The following ZNF227 variants were observed in gnomAD, a reference collection of about 807,000 sequenced individuals.
The protein encoded by ZNF227 is zinc finger protein 227.
In ZNF227, 12 loss-of-function variants were observed where a neutral mutation model predicts 13.2. The ratio of observed to expected loss-of-function variants is 0.91; its 90% CI spans 0.58 to 1.47. The LOEUF (loss-of-function observed/expected upper bound fraction) is 1.47, where lower values mean the gene tolerates loss of function less well. Ranked by LOEUF, ZNF227 falls within the 40% of genes most tolerant of loss-of-function variation. ZNF227 has a pLI of 0.00. For synonymous variants in ZNF227, 338 were observed against 326.0 expected (o/e 1.04, Z -0.40); for missense variants, 885 against 967.5 (o/e 0.91, Z 1.13).
chr19:44,216,839 G>A (rs1971927971), intron 2 of ZNF227, among the ~76,000 whole-genome samples: 1 of 151,956 alleles, frequency 6.6e-6, no homozygotes, highest in Non-Finnish European at 1.5e-5. Context: ...TACTAGCTGG[G>A]CAACAAATTA....
At chr19:44,230,002 G>A (rs190484828) in intron 5 of ZNF227, among the ~76,000 whole-genome samples, 186 bp downstream of exon 5, 64 of 152,000 alleles carry the variant, frequency 4.2e-4, no homozygotes, top group Middle Eastern at 6.8e-3. Flanking sequence ...AATGGTAGCC[G>A]GAGTGGTTCT....
chr19:44,209,188 C>T (rs1457704089), upstream of ZNF227, among the ~76,000 whole-genome samples: 1 of 152,172 alleles, frequency 6.6e-6, no homozygotes, highest in East Asian at 1.9e-4. Context: ...TAGAAATTCC[C>T]AAACATGCAC....
chr19:44,225,513 C>T (rs555902296), intron 3 of ZNF227, among the ~76,000 whole-genome samples: 73 of 152,276 alleles, frequency 4.8e-4, no homozygotes, highest in African/African-American at 1.7e-3. Context: ...TCATTTCATT[C>T]ATTTCATCTT....
chr19:44,234,690 C>CTT lies in ZNF227; in HGVS notation c.272-7_272-6dup. The CTT allele has an allele frequency of 6.4e-7, 1 of 1,557,224 alleles. No individual in the cohort carries two copies. The highest frequency in any genetic ancestry group is 1.4e-5 in the African/African-American group (1 of 72,194). ...CTCATCTCTAAATATTGCCTTTTTT[C>CTT]TTTTTTAATAGGCAGCAAGCATCAA... is the stretch of plus-strand genomic sequence containing the variant. On this transcript the variant is annotated splice_polypyrimidine_tract_variant and intron_variant, in intron 5 of 5. Transcript: ENST00000313040.
intron 3 of ZNF227, among the ~76,000 whole-genome samples, chr19:44,222,975 G>A (rs1308657975): frequency 1.3e-5 from 2 of 151,298 alleles, no homozygotes; most frequent in Non-Finnish European, 2.9e-5. Flanking sequence ...TAGCATGAAG[G>A]GTTGTTGAAT....
At chr19:44,228,950 G>T (rs960940436) in intron 4 of ZNF227, 8 of 295,316 alleles carry the variant, frequency 2.7e-5, no homozygotes, top group Non-Finnish European at 4.3e-5. Context: ...TAGTAGTGCT[G>T]CAGTTGCAAA....
intron 3 of ZNF227, among the ~76,000 whole-genome samples, chr19:44,227,606 C>T (rs1161745767): frequency 1.3e-5 from 2 of 152,138 alleles, no homozygotes; most frequent in South Asian, 2.1e-4. Flanking sequence ...GGCTGAAGTG[C>T]AGTGGCACAA....
rs1436570851 is a variant in ZNF227, at chr19:44,237,250, TTAC to T, written c.*423_*425del. The T allele has an allele frequency of 6.2e-6, 1 of 160,958 alleles. No individual in the cohort carries two copies. The highest frequency in any genetic ancestry group is 1.4e-5 in the Non-Finnish European group (1 of 73,538). 10.0% of individuals were successfully genotyped at this position (160,958 alleles called of 1,614,324 possible). A position where few individuals can be genotyped will look rare whatever the true frequency, so the allele number is the denominator to read the frequency against. On this transcript the variant is annotated 3_prime_UTR_variant, in exon 6 of 6. Coordinates refer to ENST00000313040, the MANE Select transcript of ZNF227 (RefSeq NM_182490.3). ...GTAAAGCTATGAAAAATGAATAAAA[TTAC>T]TAAAAATTTTCTGTAGCTAAGGACT...
rs188525370 is a variant in ZNF227, at chr19:44,217,866, T to G, written c.60+14T>G. On this transcript the variant is annotated intron_variant, in intron 3 of 5. Transcript: ENST00000313040. ...ACCAAGTTTCAGGTACGTAAAGGAT[T>G]CCTTGCTGTCTTTTAAAATGTGATT... 1.7e-4 allele frequency: 281 copies of G among 1,612,986 alleles called. 1 individual carries two copies. In the East Asian group the frequency reaches 5.7e-3, roughly 33 times the overall value.
chr19:44,223,264 T>A (rs1972745393), intron 3 of ZNF227, among the ~76,000 whole-genome samples: 1 of 152,236 alleles, frequency 6.6e-6, no homozygotes, highest in Non-Finnish European at 1.5e-5. Context: ...GGTATCAGGA[T>A]GATGCTAGCC....
At chr19:44,221,555 GTTTTC>G (rs964418447) in intron 3 of ZNF227, among the ~76,000 whole-genome samples, 1 of 152,312 alleles carries the variant, frequency 6.6e-6, no homozygotes, top group Admixed American at 6.5e-5. Flanking sequence ...CTGCATAAAT[GTTTTC>G]TTTTGAGAAG....
intron 5 of ZNF227, among the ~76,000 whole-genome samples, chr19:44,230,951 A>ATATATATATATATATATATC (rs1244386357): frequency 7.5e-6 from 1 of 132,728 alleles, no homozygotes; most frequent in African/African-American, 3.2e-5. Context: ...ATATATATAT[A>ATATATATATATATATATATC]TATCTTAGCC....
At chr19:44,233,213 C>G (rs1436928782) in intron 5 of ZNF227, among the ~76,000 whole-genome samples, 1 of 152,096 alleles carries the variant, frequency 6.6e-6, no homozygotes, top group African/African-American at 2.4e-5. Context: ...TCATACGTTT[C>G]TAACCATGAC....
Position 44,236,041 on chromosome 19 carries a change from C to T in ZNF227, c.1611C>T (p.Thr537=), listed in dbSNP as rs1401021159. 1 of 1,613,406 alleles carries T rather than the reference C, an allele frequency of 6.2e-7. No individual in the cohort carries two copies. The highest frequency in any genetic ancestry group is 2.2e-5 in the East Asian group (1 of 44,858). ...KGFSQSSKLQ[T]HQRVHTGEKP... ...TCAGTCAGTCCTCAAAGCTTCAAACCCATCAGCGAGTCCACACTGGAGAGA... is the reference window on the plus strand; with the variant it reads ...TCAGTCAGTCCTCAAAGCTTCAAACTCATCAGCGAGTCCACACTGGAGAGA... The change falls in exon 6 of 6, where the codon ACC becomes ACT. Residue 537 remains threonine, a synonymous_variant. Coordinates refer to ENST00000313040, the MANE Select transcript of ZNF227 (RefSeq NM_182490.3).
intron 5 of ZNF227, among the ~76,000 whole-genome samples, chr19:44,230,908 C>CAA (rs561975781): frequency 1.1e-3 from 60 of 56,996 alleles, no homozygotes; most frequent in East Asian, 1.4e-3. Flanking sequence ...TCCATCTCTA[C>CAA]AAAAAAAAAA....
At chr19:44,218,506 G>C (rs1205340414) in intron 3 of ZNF227, among the ~76,000 whole-genome samples, 1 of 152,200 alleles carries the variant, frequency 6.6e-6, no homozygotes, top group Non-Finnish European at 1.5e-5. Flanking sequence ...AATTTTATTA[G>C]ATGCTTTCAG....
intron 3 of ZNF227, among the ~76,000 whole-genome samples, chr19:44,221,536 G>C (rs1460210511): frequency 6.6e-6 from 1 of 152,154 alleles, no homozygotes; most frequent in Admixed American, 6.5e-5. Flanking sequence ...TTTTTCATGT[G>C]GTTTTTGGCT....
chr19:44,224,196 G>A (rs1401904638), intron 3 of ZNF227, among the ~76,000 whole-genome samples: 2 of 152,138 alleles, frequency 1.3e-5, no homozygotes, highest in African/African-American at 4.8e-5. Flanking sequence ...CAACTATGTG[G>A]TCAATTTTGG....
chr19:44,236,665 A>G lies in ZNF227; in HGVS notation c.2235A>G (p.Lys745=). ...TTCACACCAGGGAAAAACTCTTTAAATGTGAAGAGTGTGGTAAAGGCTTCA... is the reference window on the plus strand; with the variant it reads ...TTCACACCAGGGAAAAACTCTTTAAGTGTGAAGAGTGTGGTAAAGGCTTCA... ...LGVHTREKLF[K]CEECGKGFSQ... is the part of the protein sequence containing the mutation. Residue 745 remains lysine (K), a synonymous_variant, in exon 6 of 6, where the codon AAA becomes AAG. Transcript: ENST00000313040. 6.2e-7 allele frequency: 1 copy of G among 1,613,826 alleles called. No individual in the cohort carries two copies. Among genetic ancestry groups the G allele is most frequent in the Non-Finnish European group, 8.5e-7 (1 of 1,179,930 alleles).
Sources: gnomAD v4.1 joint callset for allele counts (sites outside exome capture counted in the v4.1 genomes callset) on GRCh38, gnomAD v4.1.1 for gene constraint, MANE v1.5 for transcripts, NCBI Gene and HGNC (gene_info 2026-07-23, HGNC 2026-07-21) for gene names.